Variants in DDHD1 observed in about 807,000 individuals in gnomAD.
The protein encoded by DDHD1 is phospholipase DDHD1.
Under a neutral mutation model 96.4 loss-of-function variants are expected in DDHD1, and 49 were observed. The observed-to-expected ratio is 0.51, with a 90% CI of 0.40 to 0.64. The LOEUF is 0.64. Among genes scored for constraint, DDHD1 ranks in the 30% least tolerant of loss-of-function variants. The pLI is 0.00. For synonymous variants in DDHD1, 442 were observed against 446.5 expected, an observed-to-expected ratio of 0.99 and a Z score of 0.13; for missense variants, 1,106 against 1,161.2, an observed-to-expected ratio of 0.95 and a Z score of 0.69.
In DDHD1 at chr14:53,128,091, C is replaced by T. The variant is rs541499168; in HGVS notation, c.838+24170G>A. Among the ~76,000 whole-genome samples, 7 of 152,332 alleles carry T rather than the reference C, an allele frequency of 4.6e-5. No homozygotes were observed. In the East Asian group the frequency reaches 7.7e-4, roughly 17 times the overall value. On this transcript the variant is annotated intron_variant, in intron 1 of 12. Transcript: ENST00000673822. The stretch of plus-strand genomic sequence containing the variant: ...CCCTCTTCGCTCTATATTTCTCTCT[C>T]CTCCTACCATGTGAAGAAGGACGAG...
At chr14:53,127,210 G>T (rs1055690714) in intron 1 of DDHD1, among the ~76,000 whole-genome samples, 2 of 152,100 alleles carry the variant, frequency 1.3e-5, no homozygotes, top group Non-Finnish European at 2.9e-5. Flanking sequence ...ATTTTACACA[G>T]GTTACAAAAT....
intron 1 of DDHD1, among the ~76,000 whole-genome samples, chr14:53,150,287 C>T (rs973090323): frequency 2.6e-5 from 4 of 152,192 alleles, no homozygotes; most frequent in South Asian, 2.1e-4. Flanking sequence ...TTTTCTGGGA[C>T]GCTTTCCTGA....
At chr14:53,142,630 T>A (rs1890717521) in intron 1 of DDHD1, among the ~76,000 whole-genome samples, 2 of 152,226 alleles carry the variant, frequency 1.3e-5, no homozygotes, top group Admixed American at 6.5e-5. Context: ...GGTGACAGGA[T>A]CTGCATACCA....
At chr14:53,152,176 CG>C in intron 1 of DDHD1, 84 bp downstream of exon 1, 1 of 1,361,904 alleles carries the variant, frequency 7.3e-7, no homozygotes, top group Non-Finnish European at 9.8e-7. Context: ...TCCCTCTTCG[CG>C]GCGACCAGTC....
Position 53,040,651 on chromosome 14 carries a change from A to T in DDHD1, c.*6117T>A, listed in dbSNP as rs150626360. On this transcript the variant is annotated 3_prime_UTR_variant, in exon 13 of 13. Coordinates refer to ENST00000673822, the MANE Select transcript of DDHD1 (RefSeq NM_001160148.2). Reference sequence around the variant, plus strand: ...AGAATAAAAGTTTAAAGTTTCTGTCATCCAAACTGATCACTGCAGAGAGAA... The same window carrying T: ...AGAATAAAAGTTTAAAGTTTCTGTCTTCCAAACTGATCACTGCAGAGAGAA... The T allele has an allele frequency of 5.8e-4, 88 of 152,368 alleles. No individual in the cohort carries two copies. Among genetic ancestry groups the T allele is most frequent in the African/African-American group, 2.1e-3 (86 of 41,600 alleles). 9.4% of individuals were successfully genotyped at this position (152,368 alleles called of 1,614,324 possible).
Position 53,039,141 on chromosome 14 carries a change from G to A in DDHD1, c.*7627C>T, listed in dbSNP as rs141477612. ...AAATAAAAGTACAACTGATCTGGAG[G>A]TGATACTTGCTTCAGTTCTCCAGGA... On this transcript the variant is annotated 3_prime_UTR_variant, in exon 13 of 13. Coordinates refer to ENST00000673822, the MANE Select transcript of DDHD1 (RefSeq NM_001160148.2). 150 of 152,338 alleles carry A rather than the reference G, an allele frequency of 9.8e-4. 3 individuals are homozygous for A. Among genetic ancestry groups the A allele is most frequent in the African/African-American group, 3.4e-3 (140 of 41,584 alleles). The allele number at this position is 152,338 out of a possible 1,614,324, so 9.4% of individuals were successfully genotyped here. A position where few individuals can be genotyped will look rare whatever the true frequency, so the allele number is the denominator to read the frequency against.
intron 2 of DDHD1, among the ~76,000 whole-genome samples, chr14:53,102,447 T>C (rs939335851): frequency 1.3e-5 from 2 of 152,080 alleles, no homozygotes; most frequent in African/African-American, 4.8e-5. Flanking sequence ...GGAAAATATA[T>C]TTAGAATTTC....
At chr14:53,137,678 A>C (rs1247894097) in intron 1 of DDHD1, among the ~76,000 whole-genome samples, 1 of 152,242 alleles carries the variant, frequency 6.6e-6, no homozygotes, top group Non-Finnish European at 1.5e-5. Context: ...TTGTTAAGCA[A>C]TATCAAAGCA....
In DDHD1 at chr14:53,046,773, T is replaced by C. The variant is rs781154518; in HGVS notation, c.2698A>G (p.Ile900Val). The C allele has an allele frequency of 3.9e-5, 62 of 1,598,276 alleles. No homozygotes were observed. Among genetic ancestry groups the C allele is most frequent in the Non-Finnish European group, 5.1e-5 (60 of 1,173,024 alleles). ...DDDAKPNLDP[I>V] ...TTCATGTCCTTCAAGAGAGTTCAGA[T>C]TGGATCTAAATTGGGTTTTGCATCA... is the stretch of plus-strand genomic sequence containing the variant. The change falls in exon 13 of 13, where the codon ATC becomes GTC. Residue 900 changes from isoleucine (I) to valine (V), a missense_variant. By Grantham distance (29) the Ile-to-Val change is conservative. Around this residue, in one of 2 missense-constraint regions of DDHD1, gnomAD observed 650 missense variants for 758.8 expected, o/e 0.86. Coordinates refer to ENST00000673822, the MANE Select transcript of DDHD1 (RefSeq NM_001160148.2).
At chr14:53,077,214 A>C (rs890801142) in intron 4 of DDHD1, among the ~76,000 whole-genome samples, 9 of 152,188 alleles carry the variant, frequency 5.9e-5, no homozygotes, top group African/African-American at 2.2e-4. Context: ...CCATATGTAC[A>C]TAGGTACACA....
At chr14:53,081,909 G>A (rs1595139820) in intron 4 of DDHD1, among the ~76,000 whole-genome samples, 1 of 152,128 alleles carries the variant, frequency 6.6e-6, no homozygotes, top group South Asian at 2.1e-4. Flanking sequence ...GAAGGAGAAG[G>A]GAGAGGAGGG....
At chr14:53,102,252 C>A (rs955064491) in intron 2 of DDHD1, among the ~76,000 whole-genome samples, 1 of 152,018 alleles carries the variant, frequency 6.6e-6, no homozygotes, top group Non-Finnish European at 1.5e-5. Context: ...ATTTCAGTCA[C>A]TACCATAAGA....
intron 5 of DDHD1, 129 bp downstream of exon 5, chr14:53,073,612 A>G (rs1884709832): frequency 3.0e-6 from 2 of 662,808 alleles, no homozygotes; most frequent in Admixed American, 6.1e-5. Flanking sequence ...AAGGGTGAGC[A>G]TATCTCAAGA....
At chr14:53,116,850 A>G (rs978534890) in intron 1 of DDHD1, among the ~76,000 whole-genome samples, 1 of 152,236 alleles carries the variant, frequency 6.6e-6, no homozygotes, top group Non-Finnish European at 1.5e-5. Context: ...AAAAGCTGGC[A>G]GAAGCAAGAA....
intron 1 of DDHD1, among the ~76,000 whole-genome samples, chr14:53,130,991 T>A (rs193233354): frequency 1.7e-3 from 266 of 152,264 alleles, no homozygotes; most frequent in African/African-American, 6.2e-3. Context: ...CCCCATTACC[T>A]TCTTTTCAAC....
intron 1 of DDHD1, among the ~76,000 whole-genome samples, chr14:53,134,637 G>C (rs922240602): frequency 6.8e-6 from 1 of 147,404 alleles, no homozygotes. Flanking sequence ...ATTTTTAAAT[G>C]AAGAGTGTTG....
At chr14:53,122,188 T>G (rs1889048298) in intron 1 of DDHD1, among the ~76,000 whole-genome samples, 1 of 152,210 alleles carries the variant, frequency 6.6e-6, no homozygotes, top group South Asian at 2.1e-4. Context: ...AGCGTCCAGG[T>G]GCTAACAGCC....
At chr14:53,085,537 C>A (rs1039570619) in intron 4 of DDHD1, among the ~76,000 whole-genome samples, 4 of 152,198 alleles carry the variant, frequency 2.6e-5, no homozygotes, top group Non-Finnish European at 4.4e-5. Flanking sequence ...CAAACTCCAA[C>A]AGACCTGCAG....
chr14:53,093,532 A>G (rs1015109527), intron 2 of DDHD1, 88 bp from the exon 3 acceptor site: 1 of 1,503,380 alleles, frequency 6.7e-7, no homozygotes, highest in South Asian at 1.3e-5. Flanking sequence ...TTTAAAATCA[A>G]TATGTTATCT....
Sources: gnomAD v4.1 joint callset for allele counts (sites outside exome capture counted in the v4.1 genomes callset) on GRCh38, gnomAD v4.1.1 for gene constraint, gnomAD v4.1.1 regional missense constraint, MANE v1.5 for transcripts, NCBI Gene and HGNC (gene_info 2026-07-23, HGNC 2026-07-21) for gene names.